Variants in CCDC171 observed in about 807,000 individuals in gnomAD.
CCDC171 encodes coiled-coil domain-containing protein 171.
A neutral mutation model predicts 168.2 loss-of-function variants in CCDC171; 177 were observed. The observed-to-expected ratio is 1.05, with a 90% CI of 0.93 to 1.19. CCDC171 has a LOEUF of 1.19. Ranked by LOEUF, CCDC171 falls within the 50% of genes most tolerant of loss-of-function variation. CCDC171 has a pLI of 0.00. For missense variants in CCDC171, 1,991 were observed against 1,539.0 expected, an observed-to-expected ratio of 1.29 and a Z score of -4.91; for synonymous variants, 687 against 540.8, an observed-to-expected ratio of 1.27 and a Z score of -3.75.
At chr9:15,966,045 C>T (rs1380233197) in intron 25 of CCDC171, among the ~76,000 whole-genome samples, 1 of 152,186 alleles carries the variant, frequency 6.6e-6, no homozygotes, top group Admixed American at 6.5e-5. Context: ...CCCAGATATT[C>T]TGCTAAGTGC....
intron 6 of CCDC171, among the ~76,000 whole-genome samples, chr9:15,610,481 A>AAAAAAAAAAAAAAAAAG: frequency 7.3e-6 from 1 of 136,810 alleles, no homozygotes; most frequent in African/African-American, 2.8e-5. Flanking sequence ...AAAAAAAAAA[A>AAAAAAAAAAAAAAAAAG]CTGGGCGTGG....
At chr9:15,571,334 A>G (rs2040205194) in intron 2 of CCDC171, among the ~76,000 whole-genome samples, 1 of 152,234 alleles carries the variant, frequency 6.6e-6, no homozygotes, top group Non-Finnish European at 1.5e-5. Flanking sequence ...CTCTTCCAAA[A>G]TTATCCAGCT....
chr9:15,755,589 A>G (rs1039455846), intron 18 of CCDC171, among the ~76,000 whole-genome samples: 1 of 152,232 alleles, frequency 6.6e-6, no homozygotes, highest in Admixed American at 6.5e-5. Context: ...ATGGATAGAT[A>G]TCTAAATGAT....
At chr9:15,590,771 C>CTCTTTCTTTCTTTCTTTCTT (rs71506031) in intron 4 of CCDC171, among the ~76,000 whole-genome samples, 26 of 122,612 alleles carry the variant, frequency 2.1e-4, no homozygotes, top group Admixed American at 4.1e-4. Context: ...TTCTTTCTTT[C>CTCTTTCTTTCTTTCTTTCTT]TCTTTCTTTC....
At chr9:15,670,068 T>C (rs541506420) in intron 9 of CCDC171, among the ~76,000 whole-genome samples, 2 of 152,014 alleles carry the variant, frequency 1.3e-5, no homozygotes, top group South Asian at 4.2e-4. Flanking sequence ...TTTTAAGTCC[T>C]GGCCCTTTCC....
intron 11 of CCDC171, among the ~76,000 whole-genome samples, chr9:15,701,474 G>A (rs1305283463): frequency 6.6e-6 from 1 of 151,954 alleles, no homozygotes; most frequent in Non-Finnish European, 1.5e-5. Flanking sequence ...TTCTTAAGAT[G>A]ACAGTGATGA....
chr9:15,555,961 G>A (rs977859480), intron 1 of CCDC171, among the ~76,000 whole-genome samples: 10 of 152,046 alleles, frequency 6.6e-5, no homozygotes, highest in Non-Finnish European at 1.5e-4. Context: ...GCGATATTTT[G>A]CTCAGAATGA....
intron 9 of CCDC171, among the ~76,000 whole-genome samples, 154 bp downstream of exon 9, chr9:15,666,477 C>G (rs1305157416): frequency 6.6e-6 from 1 of 152,060 alleles, no homozygotes; most frequent in African/African-American, 2.4e-5. Context: ...ACTATACTTT[C>G]CTGTATAGGT....
chr9:15,902,549 A>C (rs182330112), intron 24 of CCDC171, among the ~76,000 whole-genome samples: 3 of 151,788 alleles, frequency 2.0e-5, no homozygotes, highest in Non-Finnish European at 4.4e-5. Flanking sequence ...GAAATAACTG[A>C]GGTGGAGCCA....
At chr9:15,946,288 A>T (rs1828370748) in intron 25 of CCDC171, among the ~76,000 whole-genome samples, 2 of 151,798 alleles carry the variant, frequency 1.3e-5, no homozygotes, top group South Asian at 4.2e-4. Flanking sequence ...CTGTAGCCAA[A>T]ATCTCCTTAA....
chr9:15,691,420 G>A (rs1301987796), intron 10 of CCDC171, among the ~76,000 whole-genome samples: 1 of 149,820 alleles, frequency 6.7e-6, no homozygotes, highest in Non-Finnish European at 1.5e-5. Context: ...AAACTTACCT[G>A]TGAGAATTGA....
chr9:15,882,611 T>C (rs898993899), intron 24 of CCDC171, among the ~76,000 whole-genome samples: 2 of 152,186 alleles, frequency 1.3e-5, no homozygotes, highest in Non-Finnish European at 2.9e-5. Context: ...TAGTTTTAAT[T>C]CAATATCAGT....
At chr9:15,836,957 A>C (rs75213601) in intron 21 of CCDC171, among the ~76,000 whole-genome samples, 9,871 of 152,274 alleles carry the variant, frequency 0.065, 479 homozygotes, top group South Asian at 0.2. Context: ...GAAATAATTA[A>C]TCTTCTTTCT....
intron 25 of CCDC171, among the ~76,000 whole-genome samples, chr9:15,921,386 A>G (rs1462177475): frequency 1.3e-5 from 2 of 151,702 alleles, no homozygotes; most frequent in African/African-American, 4.8e-5. Flanking sequence ...CTTTTGCCCC[A>G]TATTTCCTGT....
At chr9:15,871,181 C>G (rs185971742) in intron 23 of CCDC171, among the ~76,000 whole-genome samples, 1 of 151,246 alleles carries the variant, frequency 6.6e-6, no homozygotes, top group Non-Finnish European at 1.5e-5. Flanking sequence ...TTTTAAAGAA[C>G]GTTATAGAAT....
chr9:15,876,852 A>T (rs1455547469), intron 24 of CCDC171, among the ~76,000 whole-genome samples: 1 of 152,130 alleles, frequency 6.6e-6, no homozygotes, highest in African/African-American at 2.4e-5. Context: ...GAAGTGGACT[A>T]TTCAGAGTTC....
In CCDC171 at chr9:15,939,466, A is replaced by AGGTAT. The variant is rs143259019; in HGVS notation, c.3753+19045_3753+19049dup. Among the ~76,000 whole-genome samples the AGGTAT allele has an allele frequency of 7.3e-3, 1,115 of 152,040 alleles. 13 individuals carry two copies. Among genetic ancestry groups the AGGTAT allele is most frequent in the African/African-American group, 0.026 (1,060 of 41,532 alleles). On this transcript the variant is annotated intron_variant, in intron 25 of 25. Transcript: ENST00000380701. ...TAATGGCACTGCAATAAAGGACATC[A>AGGTAT]GGTATATATAATGCTTCTTAGCAGT...
intron 24 of CCDC171, among the ~76,000 whole-genome samples, chr9:15,907,627 G>A (rs535291891): frequency 1.3e-5 from 2 of 152,280 alleles, no homozygotes; most frequent in South Asian, 4.1e-4. Context: ...AACACCAAAA[G>A]CAATGGCAAC....
chr9:15,687,250 G>A (rs890532365), intron 10 of CCDC171, among the ~76,000 whole-genome samples: 1 of 152,132 alleles, frequency 6.6e-6, no homozygotes, highest in Non-Finnish European at 1.5e-5. Flanking sequence ...GTGGGATGCA[G>A]CTAACACTAT....
Sources: gnomAD v4.1 joint callset for allele counts (sites outside exome capture counted in the v4.1 genomes callset) on GRCh38, gnomAD v4.1.1 for gene constraint, MANE v1.5 for transcripts, NCBI Gene and HGNC (gene_info 2026-07-23, HGNC 2026-07-21) for gene names.